The following ALK variants were observed in gnomAD, a reference collection of about 807,000 sequenced individuals.
The protein encoded by ALK is ALK receptor tyrosine kinase, also known as ALK tyrosine kinase receptor.
Under a neutral mutation model 163.1 loss-of-function variants are expected in ALK, and 74 were observed. That is an observed-to-expected ratio of 0.45 (90% CI 0.38 to 0.55). The LOEUF (loss-of-function observed/expected upper bound fraction) is 0.55, where lower values mean the gene tolerates loss of function less well. ALK is among the 20% of genes least tolerant of loss of function. The probability of loss-of-function intolerance (pLI) is 0.00; values close to 1 mark genes in which losing one functional copy is unlikely to be tolerated. For missense variants in ALK, 2,063 were observed against 2,105.3 expected (o/e 0.98, Z 0.39); for synonymous variants, 960 against 843.2 (o/e 1.14, Z -2.40).
At chr2:29,812,769 C>G (rs571543939) in intron 1 of ALK, among the ~76,000 whole-genome samples, 1 of 152,220 alleles carries the variant, frequency 6.6e-6, no homozygotes, top group East Asian at 1.9e-4. Context: ...GCTGCATTTC[C>G]TCTACAACAT....
intron 3 of ALK, among the ~76,000 whole-genome samples, chr2:29,558,041 T>G (rs1673913669): frequency 6.6e-6 from 1 of 152,220 alleles, no homozygotes; most frequent in Admixed American, 6.5e-5. Context: ...TTGATTCCTT[T>G]TGCTTTAAAA....
chr2:29,508,594 T>C (rs999330248), intron 4 of ALK, among the ~76,000 whole-genome samples: 2 of 151,452 alleles, frequency 1.3e-5, no homozygotes, highest in African/African-American at 4.9e-5. Flanking sequence ...ATACCTAATG[T>C]TAAATGATGA....
intron 5 of ALK, among the ~76,000 whole-genome samples, chr2:29,372,903 G>A (rs1382455221): frequency 6.6e-6 from 1 of 152,188 alleles, no homozygotes; most frequent in South Asian, 2.1e-4. Context: ...TGGGACAGGT[G>A]GTGAACTGGA....
chr2:29,492,033 G>A (rs1671915470), intron 4 of ALK, among the ~76,000 whole-genome samples: 1 of 152,038 alleles, frequency 6.6e-6, no homozygotes, highest in African/African-American at 2.4e-5. Flanking sequence ...AAGAACAAAT[G>A]TATAGACTGT....
chr2:29,693,651 A>G (rs1678468330), intron 3 of ALK, among the ~76,000 whole-genome samples: 2 of 152,094 alleles, frequency 1.3e-5, no homozygotes, highest in Non-Finnish European at 2.9e-5. Flanking sequence ...GCCACCTCCA[A>G]TCTCCCTCAT....
At chr2:29,335,016 C>T (rs991822613) in intron 5 of ALK, among the ~76,000 whole-genome samples, 13 of 152,146 alleles carry the variant, frequency 8.5e-5, no homozygotes, top group African/African-American at 2.2e-4. Context: ...TTCTGGCCTG[C>T]GGTGTAGAGT....
intron 1 of ALK, among the ~76,000 whole-genome samples, chr2:29,750,673 A>C (rs142935511): frequency 1.9e-4 from 25 of 133,252 alleles, no homozygotes; most frequent in African/African-American, 7.4e-4. Flanking sequence ...GGAAGGAAGG[A>C]AGGAAGGAAG....
chr2:29,695,099 G>T, intron 2 of ALK, 85 bp from the exon 3 acceptor site: 1 of 1,488,156 alleles, frequency 6.7e-7, no homozygotes. Flanking sequence ...TAGGAGGTTG[G>T]CCTTCATCTC....
At chr2:29,423,670 A>G (rs1378675478) in intron 4 of ALK, among the ~76,000 whole-genome samples, 1 of 152,268 alleles carries the variant, frequency 6.6e-6, no homozygotes, top group African/African-American at 2.4e-5. Context: ...GGCACAGGCA[A>G]GAATAATGAT....
chr2:29,416,026 A>C (rs1040794502), intron 4 of ALK, among the ~76,000 whole-genome samples: 1 of 152,202 alleles, frequency 6.6e-6, no homozygotes, highest in African/African-American at 2.4e-5. Flanking sequence ...CGACTACATT[A>C]AACCACCAGT....
chr2:29,232,841 G>T (rs181239808), intron 14 of ALK, among the ~76,000 whole-genome samples: 3 of 152,262 alleles, frequency 2.0e-5, no homozygotes, highest in Admixed American at 1.3e-4. Context: ...CATTCTTAGG[G>T]GTCTCTGGCT....
intron 4 of ALK, among the ~76,000 whole-genome samples, chr2:29,442,347 G>A (rs1670567704): frequency 6.6e-6 from 1 of 152,022 alleles, no homozygotes; most frequent in Admixed American, 6.6e-5. Flanking sequence ...CATGAATGCG[G>A]TTGGGCCAGA....
At chr2:29,844,604 T>C (rs1240925482) in intron 1 of ALK, among the ~76,000 whole-genome samples, 1 of 152,074 alleles carries the variant, frequency 6.6e-6, no homozygotes, top group East Asian at 1.9e-4. Flanking sequence ...GAGTTCACAA[T>C]CTTCTGAAGG....
intron 1 of ALK, among the ~76,000 whole-genome samples, chr2:29,791,279 A>T (rs923023282): frequency 1.3e-5 from 2 of 152,198 alleles, no homozygotes; most frequent in African/African-American, 4.8e-5. Context: ...GCACATATAC[A>T]CCATGGAATA....
At chr2:29,709,307 T>G (rs769726132) in intron 2 of ALK, among the ~76,000 whole-genome samples, 8 of 152,122 alleles carry the variant, frequency 5.3e-5, no homozygotes, top group Non-Finnish European at 1.2e-4. Context: ...TTAATATGAC[T>G]AGAAATGAGA....
chr2:29,801,900 A>T (rs7573654), intron 1 of ALK, among the ~76,000 whole-genome samples: 20,529 of 152,160 alleles, frequency 0.13, 1,544 homozygotes, highest in South Asian at 0.22. Context: ...CTGCAGTACC[A>T]CTGCAGGGCA....
At chr2:29,879,430 T>C (rs1666800825) in intron 1 of ALK, among the ~76,000 whole-genome samples, 1 of 152,228 alleles carries the variant, frequency 6.6e-6, no homozygotes, top group Non-Finnish European at 1.5e-5. Flanking sequence ...GTAAACTTAG[T>C]GATGAAGGTG....
chr2:29,845,203 A>T (rs13006576), intron 1 of ALK, among the ~76,000 whole-genome samples: 1 of 152,140 alleles, frequency 6.6e-6, no homozygotes, highest in African/African-American at 2.4e-5. Flanking sequence ...ACCATGAATT[A>T]TCACGGGCAC....
chr2:29,856,839 G>A (rs1330613658), intron 1 of ALK, among the ~76,000 whole-genome samples: 1 of 152,176 alleles, frequency 6.6e-6, no homozygotes, highest in Non-Finnish European at 1.5e-5. Context: ...AACAAATGAA[G>A]TTCCTGAGTT....
Sources: gnomAD v4.1 joint callset for allele counts (sites outside exome capture counted in the v4.1 genomes callset) on GRCh38, gnomAD v4.1.1 for gene constraint, MANE v1.5 for transcripts, NCBI Gene and HGNC (gene_info 2026-07-23, HGNC 2026-07-21) for gene names.